ZNF148: variants seen among roughly 807,000 people sequenced by gnomAD.
ZNF148 encodes the protein zinc finger protein 148.
In ZNF148, 7 loss-of-function variants were observed where a neutral mutation model predicts 67.7. The ratio of observed to expected loss-of-function variants is 0.10; its 90% confidence interval spans 0.06 to 0.19. The LOEUF (loss-of-function observed/expected upper bound fraction) is 0.19, where lower values mean the gene tolerates loss of function less well. Among genes scored for constraint, ZNF148 ranks in the 10% least tolerant of loss-of-function variants. The pLI, the probability that ZNF148 is intolerant of heterozygous loss-of-function variation, is 1.00. For missense variants in ZNF148, 583 were observed against 947.1 expected (o/e 0.62, Z 5.05); for synonymous variants, 333 against 330.7 (o/e 1.01, Z -0.08).
At chr3:125,239,102 G>A (rs1469074924) in intron 7 of ZNF148, among the ~76,000 whole-genome samples, 1 of 152,160 alleles carries the variant, frequency 6.6e-6, no homozygotes, top group Non-Finnish European at 1.5e-5. Flanking sequence ...CAGGACTGAA[G>A]AAGAGGGGAA....
intron 7 of ZNF148, among the ~76,000 whole-genome samples, chr3:125,238,068 CA>C (rs1249000593): frequency 6.6e-6 from 1 of 152,036 alleles, no homozygotes. Flanking sequence ...TACCCACATA[CA>C]AAAGAATGAA....
intron 4 of ZNF148, among the ~76,000 whole-genome samples, chr3:125,301,691 A>G (rs1939595209): frequency 6.6e-6 from 1 of 152,196 alleles, no homozygotes; most frequent in Non-Finnish European, 1.5e-5. Flanking sequence ...AAAACACTTG[A>G]GTAAAGGACT....
At chr3:125,264,266 A>G (rs1937473913) in intron 7 of ZNF148, among the ~76,000 whole-genome samples, 1 of 152,260 alleles carries the variant, frequency 6.6e-6, no homozygotes, top group Admixed American at 6.5e-5. Flanking sequence ...CAGAAGTACA[A>G]GAGGCCTAAA....
intron 7 of ZNF148, among the ~76,000 whole-genome samples, chr3:125,237,496 C>T (rs935272917): frequency 6.6e-6 from 1 of 151,934 alleles, no homozygotes; most frequent in Admixed American, 6.6e-5. Context: ...GTGGAAGGAT[C>T]GTTCAAGCCT....
chr3:125,265,928 G>A (rs570523743), intron 7 of ZNF148, among the ~76,000 whole-genome samples: 9 of 151,926 alleles, frequency 5.9e-5, no homozygotes, highest in Non-Finnish European at 1.2e-4. Flanking sequence ...CATTATTCTT[G>A]TATCAGATAA....
chr3:125,283,542 T>C (rs1197055544), intron 5 of ZNF148, among the ~76,000 whole-genome samples: 3 of 152,158 alleles, frequency 2.0e-5, no homozygotes, highest in African/African-American at 7.2e-5. Context: ...AAAAACAATT[T>C]ATACAAGACA....
intron 7 of ZNF148, among the ~76,000 whole-genome samples, chr3:125,264,361 G>A (rs564551204): frequency 6.6e-6 from 1 of 152,344 alleles, no homozygotes; most frequent in Non-Finnish European, 1.5e-5. Flanking sequence ...CAAGTAGTTA[G>A]TGTCAGCATT....
rs181729419 is a variant in ZNF148, at chr3:125,248,409, C to T, written c.668-14080G>A. On this transcript the variant is annotated intron_variant, in intron 7 of 8. Transcript: ENST00000360647. ...TAAGCCCATAATGGACTTACCAAATCTGATAACTCTATGTTGAGTCCCCTT... is the reference window on the plus strand; with the variant it reads ...TAAGCCCATAATGGACTTACCAAATTTGATAACTCTATGTTGAGTCCCCTT... Among the ~76,000 whole-genome samples, 297 of 152,286 alleles carry T rather than the reference C, an allele frequency of 2.0e-3. 1 individual carries two copies. The highest frequency in any genetic ancestry group is 6.7e-3 in the African/African-American group (278 of 41,562).
intron 1 of ZNF148, among the ~76,000 whole-genome samples, chr3:125,372,784 C>T (rs540111817): frequency 2.2e-4 from 34 of 151,564 alleles, no homozygotes; most frequent in African/African-American, 7.0e-4. Flanking sequence ...CTCACCAACA[C>T]GGAGAAACTC....
chr3:125,338,822 C>T (rs1392350349), intron 1 of ZNF148: 1 of 152,094 alleles, frequency 6.6e-6, no homozygotes, highest in Non-Finnish European at 1.5e-5. Flanking sequence ...TATTTTTCAC[C>T]TTATTCAATG....
chr3:125,337,132 G>A (rs537556432), intron 1 of ZNF148, among the ~76,000 whole-genome samples: 1 of 152,076 alleles, frequency 6.6e-6, no homozygotes, highest in East Asian at 1.9e-4. Flanking sequence ...ATAGAAGCTG[G>A]CTGAGCAAAA....
intron 3 of ZNF148, among the ~76,000 whole-genome samples, chr3:125,314,225 G>C (rs1040499740): frequency 2.6e-5 from 4 of 151,876 alleles, no homozygotes; most frequent in African/African-American, 9.7e-5. Flanking sequence ...GATAATAAAA[G>C]TATGTATTAG....
In ZNF148 at chr3:125,344,863, G is replaced by A. The variant is rs560159323; in HGVS notation, c.-233-13625C>T. 1.1e-5 allele frequency: 3 copies of A among 269,814 alleles called. No homozygotes were observed. The East Asian group carries it at 3.1e-4, about 28-fold the overall frequency. The allele number at this position is 269,814 out of a possible 1,614,324, so 16.7% of individuals were successfully genotyped here. ...GCAGGCGATGGGACACAGGGGAAGT[G>A]GGGCAGTGGCCTGGATGCTCTGGGC... On this transcript the variant is annotated intron_variant, in intron 1 of 8. Coordinates refer to ENST00000360647, the MANE Select transcript of ZNF148 (RefSeq NM_021964.3).
chr3:125,365,313 C>T (rs973063233), intron 1 of ZNF148, among the ~76,000 whole-genome samples: 1 of 152,146 alleles, frequency 6.6e-6, no homozygotes, highest in Non-Finnish European at 1.5e-5. Context: ...TCAAAGTATC[C>T]TCCAGTCTAA....
rs140680295 is a variant in ZNF148 at position 125,369,206 on chromosome 3, G to A, written c.-234+5896C>T. The stretch of plus-strand genomic sequence containing the variant: ...GAACTCAGGAGGCGGAGGTTGCAGT[G>A]AGCCAAGATCACACCACCGGACTCC... On this transcript the variant is annotated intron_variant, in intron 1 of 8. Transcript: ENST00000360647. 9.6e-4 allele frequency among the ~76,000 whole-genome samples: 121 copies of A among 126,502 alleles called. 2 individuals carry two copies. Among genetic ancestry groups the A allele is most frequent in the African/African-American group, 3.5e-3 (112 of 32,070 alleles). 83.0% of individuals were successfully genotyped at this position (126,502 alleles called of 152,430 possible).
At chr3:125,291,335 T>C (rs1485987188) in intron 4 of ZNF148, among the ~76,000 whole-genome samples, 6 of 152,304 alleles carry the variant, frequency 3.9e-5, no homozygotes, top group Admixed American at 3.9e-4. Flanking sequence ...CTGTTGCCTA[T>C]AGTATTCATT....
intron 5 of ZNF148, among the ~76,000 whole-genome samples, chr3:125,284,117 G>A (rs1242360879): frequency 6.6e-6 from 1 of 152,046 alleles, no homozygotes; most frequent in Non-Finnish European, 1.5e-5. Context: ...AGGTGGAAAA[G>A]ACCTATATAA....
Position 125,288,146 on chromosome 3 carries a change from T to C in ZNF148, c.416A>G (p.Asp139Gly), listed in dbSNP as rs753540932. The C allele has an allele frequency of 4.3e-6, 7 of 1,613,928 alleles. No homozygotes were observed. In the East Asian group the frequency reaches 1.1e-4, roughly 26 times the overall value. ...TTTCCGCTTCTTCTTTTTCTGTAAG[T>C]CTACTGGCTCTCTGATTTGTTTTTT... is the stretch of plus-strand genomic sequence containing the variant. ...RDKKQIREPV[D>G]LQKKKKRKQR... The change falls in exon 5 of 9, where the codon GAC (aspartate) becomes GGC (glycine). Residue 139 changes from aspartate (D) to glycine (G), a missense_variant. Transcript: ENST00000360647.
At chr3:125,235,790 G>A (rs1936058975) in intron 7 of ZNF148, among the ~76,000 whole-genome samples, 1 of 151,902 alleles carries the variant, frequency 6.6e-6, no homozygotes, top group African/African-American at 2.4e-5. Context: ...ATGAGTTCAT[G>A]TCCTTTGTAG....
Sources: gnomAD v4.1 joint callset for allele counts (sites outside exome capture counted in the v4.1 genomes callset) on GRCh38, gnomAD v4.1.1 for gene constraint, MANE v1.5 for transcripts, NCBI Gene and HGNC (gene_info 2026-07-23, HGNC 2026-07-21) for gene names.